Variants in MYO5A observed in about 807,000 individuals in gnomAD.
The protein encoded by MYO5A is unconventional myosin-Va.
A neutral mutation model predicts 249.7 loss-of-function variants in MYO5A; 98 were observed. The ratio of observed to expected loss-of-function variants is 0.39; its 90% CI spans 0.33 to 0.46. The LOEUF (loss-of-function observed/expected upper bound fraction) is 0.46. Ranked by LOEUF, MYO5A falls within the 20% of genes least tolerant of loss-of-function variation. The pLI, the probability that MYO5A is intolerant of heterozygous loss-of-function variation, is 0.98. For missense variants in MYO5A, 1,696 were observed against 2,308.8 expected, an observed-to-expected ratio of 0.73 and a Z score of 5.44; for synonymous variants, 778 against 810.6, an observed-to-expected ratio of 0.96 and a Z score of 0.68.
intron 32 of MYO5A, among the ~76,000 whole-genome samples, chr15:52,339,265 A>C (rs1759000245): frequency 1.3e-5 from 2 of 152,240 alleles, no homozygotes; most frequent in Non-Finnish European, 2.9e-5. Context: ...CAGATTGTTA[A>C]ATCTTCAGAG....
chr15:52,324,819 A>C (rs1344939191), intron 36 of MYO5A, among the ~76,000 whole-genome samples: 1 of 152,268 alleles, frequency 6.6e-6, no homozygotes, highest in African/African-American at 2.4e-5. Flanking sequence ...TTCCCCTAAA[A>C]AGACTTTAAG....
chr15:52,435,770 C>T, intron 1 of MYO5A: 3 of 404,224 alleles, frequency 7.4e-6, no homozygotes, highest in South Asian at 5.5e-5. Context: ...TAATTATTGG[C>T]AGCACTTACA....
intron 1 of MYO5A, among the ~76,000 whole-genome samples, chr15:52,459,931 G>A (rs1196379714): frequency 2.0e-5 from 3 of 151,414 alleles, no homozygotes; most frequent in Non-Finnish European, 4.4e-5. Flanking sequence ...CTTCTCAGAC[G>A]GGGCGGCCGG....
chr15:52,496,865 G>T (rs1460541798), intron 1 of MYO5A, among the ~76,000 whole-genome samples: 2 of 152,228 alleles, frequency 1.3e-5, no homozygotes, highest in African/African-American at 4.8e-5. Context: ...GGGTAGTCCT[G>T]AGTTGGCACA....
chr15:52,346,521 A>G (rs1356818491), intron 29 of MYO5A, 60 bp from the exon 30 acceptor site: 5 of 1,099,444 alleles, frequency 4.5e-6, no homozygotes, highest in Non-Finnish European at 6.9e-6. Context: ...TGGACATAAA[A>G]CACATTTATT....
intron 34 of MYO5A, among the ~76,000 whole-genome samples, chr15:52,332,984 G>C (rs28590330): frequency 0.089 from 13,552 of 152,036 alleles, 1,865 homozygotes; most frequent in African/African-American, 0.3. Flanking sequence ...AATAAATAAA[G>C]AGGCAACTAG....
intron 8 of MYO5A, 48 bp downstream of exon 8, chr15:52,407,244 A>C (rs981672453): frequency 3.0e-6 from 4 of 1,352,654 alleles, no homozygotes; most frequent in South Asian, 1.2e-5. Context: ...AGGTTGCTTG[A>C]GTAAAAAAGC....
chr15:52,408,123 G>A lies in MYO5A; in HGVS notation c.774C>T (p.Asn258=). 6.2e-7 allele frequency: 1 copy of A among 1,604,014 alleles called. No individual in the cohort carries two copies. The highest frequency in any genetic ancestry group is 8.5e-7 in the Non-Finnish European group (1 of 1,172,048). ...CACAAAGCTGATAGAAGATATGATA[G>A]TTTCTCTCCTCTTCTGCCTTCGAAA... is the stretch of plus-strand genomic sequence containing the variant. The part of the protein sequence containing the change: ...RVVFQAEEER[N]YHIFYQLCAS... Residue 258 remains asparagine (N), a synonymous_variant, in exon 7 of 42, where the codon AAC becomes AAT. Coordinates refer to ENST00000399233, the MANE Select transcript of MYO5A (RefSeq NM_001382347.1).
rs569254701 is a variant in MYO5A at position 52,416,578 on chromosome 15, A to G, written c.456-277T>C. 2.0e-5 allele frequency among the ~76,000 whole-genome samples: 3 copies of G among 152,240 alleles called. No homozygotes were observed. The South Asian group carries it at 6.2e-4, about 32-fold the overall frequency. On this transcript the variant is annotated intron_variant, in intron 4 of 41. Coordinates refer to ENST00000399233, the MANE Select transcript of MYO5A (RefSeq NM_001382347.1). The stretch of plus-strand genomic sequence containing the variant: ...CACCAGCCCAGTCAGATTAACATCC[A>G]AAGGACCAAGCCCTGAACAAAGCGT...
At chr15:52,492,147 A>G (rs916445698) in intron 1 of MYO5A, among the ~76,000 whole-genome samples, 1 of 152,194 alleles carries the variant, frequency 6.6e-6, no homozygotes, top group Non-Finnish European at 1.5e-5. Context: ...GATTTTTTTA[A>G]GTGCTTATGT....
chr15:52,506,160 G>A (rs960628137), intron 1 of MYO5A, among the ~76,000 whole-genome samples: 1 of 152,100 alleles, frequency 6.6e-6, no homozygotes, highest in Admixed American at 6.5e-5. Flanking sequence ...GACCATCTTG[G>A]CTAACGCAGT....
chr15:52,379,948 T>G, intron 16 of MYO5A, 40 bp from the exon 17 acceptor site: 2 of 1,603,958 alleles, frequency 1.2e-6, no homozygotes, highest in Non-Finnish European at 8.5e-7. Context: ...ACAAAGAACC[T>G]GGCTGGTGGC....
At chr15:52,515,076 A>G (rs1302687090) in intron 1 of MYO5A, among the ~76,000 whole-genome samples, 2 of 152,120 alleles carry the variant, frequency 1.3e-5, no homozygotes, top group East Asian at 3.8e-4. Context: ...CCAGGAGTTC[A>G]AGACCAGCCT....
intron 1 of MYO5A, chr15:52,505,961 C>A (rs1595812113): frequency 1.8e-6 from 2 of 1,096,268 alleles, no homozygotes; most frequent in Non-Finnish European, 2.5e-6. Flanking sequence ...TACCTGTAAT[C>A]CCATCACTTT....
At chr15:52,385,936 T>A (rs1052847045) in intron 14 of MYO5A, among the ~76,000 whole-genome samples, 1 of 152,180 alleles carries the variant, frequency 6.6e-6, no homozygotes, top group African/African-American at 2.4e-5. Context: ...TTTGTCAGAA[T>A]GCATACCCAC....
intron 1 of MYO5A, among the ~76,000 whole-genome samples, chr15:52,493,586 C>T (rs1031916358): frequency 1.3e-5 from 2 of 151,804 alleles, no homozygotes; most frequent in South Asian, 4.2e-4. Context: ...CGCTTGAAGC[C>T]GGGAGGCAGA....
At chr15:52,495,767 T>A (rs1408473277) in intron 1 of MYO5A, among the ~76,000 whole-genome samples, 2 of 152,158 alleles carry the variant, frequency 1.3e-5, no homozygotes, top group African/African-American at 4.8e-5. Context: ...CTTGCATGCA[T>A]TAAAGCTTTT....
At chr15:52,398,612 G>A (rs777909163) in intron 9 of MYO5A, among the ~76,000 whole-genome samples, 1 of 152,112 alleles carries the variant, frequency 6.6e-6, no homozygotes. Context: ...AATCACTTTA[G>A]ATACAAATCA....
chr15:52,458,528 G>C (rs767687901), intron 1 of MYO5A, among the ~76,000 whole-genome samples: 1 of 152,026 alleles, frequency 6.6e-6, no homozygotes, highest in Non-Finnish European at 1.5e-5. Flanking sequence ...GCTGAGGTGA[G>C]AGGATCATTT....
Sources: gnomAD v4.1 joint callset for allele counts (sites outside exome capture counted in the v4.1 genomes callset) on GRCh38, gnomAD v4.1.1 for gene constraint, MANE v1.5 for transcripts, NCBI Gene and HGNC (gene_info 2026-07-23, HGNC 2026-07-21) for gene names.